Variants in BEND6 observed in about 807,000 individuals in gnomAD.
BEND6 encodes BEN domain-containing protein 6.
A neutral mutation model predicts 31.8 loss-of-function variants in BEND6; 24 were observed. The observed-to-expected ratio is 0.75, with a 90% CI of 0.55 to 1.06. The LOEUF (loss-of-function observed/expected upper bound fraction) is 1.06. BEND6 is among the 50% of genes least tolerant of loss of function. BEND6 has a pLI of 0.00. For missense variants in BEND6, 294 were observed against 327.4 expected (o/e 0.90, Z 0.79); for synonymous variants, 109 against 114.6 (o/e 0.95, Z 0.31).
At chr6:56,968,997 C>T (rs1299846977) in intron 1 of BEND6, among the ~76,000 whole-genome samples, 1 of 151,908 alleles carries the variant, frequency 6.6e-6, no homozygotes, top group African/African-American at 2.4e-5. Flanking sequence ...ATCACTTGAA[C>T]CCAGGAGGCG....
At chr6:56,994,233 G>A (rs1826615727) in intron 3 of BEND6, among the ~76,000 whole-genome samples, 1 of 151,864 alleles carries the variant, frequency 6.6e-6, no homozygotes, top group Admixed American at 6.6e-5. Flanking sequence ...GCCGAGGTGG[G>A]TGGATCAAGA....
At chr6:56,997,536 A>T (rs1826766957) in intron 3 of BEND6, among the ~76,000 whole-genome samples, 1 of 152,108 alleles carries the variant, frequency 6.6e-6, no homozygotes, top group Non-Finnish European at 1.5e-5. Context: ...TGCAGTGTTC[A>T]TTTCTGCATT....
chr6:56,966,095 T>G (rs1010061699), intron 1 of BEND6, among the ~76,000 whole-genome samples: 27 of 151,952 alleles, frequency 1.8e-4, no homozygotes, highest in Non-Finnish European at 3.1e-4. Flanking sequence ...GGTTTGTTTT[T>G]TGTTTGTTTG....
intron 3 of BEND6, chr6:57,008,980 T>C (rs1372779370): frequency 6.6e-6 from 1 of 152,208 alleles, no homozygotes; most frequent in African/African-American, 2.4e-5. Context: ...CCTGTCATTT[T>C]TGGCAACAGG....
chr6:56,982,176 C>A (rs1218588414), intron 2 of BEND6, among the ~76,000 whole-genome samples: 1 of 152,146 alleles, frequency 6.6e-6, no homozygotes, highest in Non-Finnish European at 1.5e-5. Flanking sequence ...CCACGTCAGC[C>A]TCTCAAAGTG....
chr6:57,006,608 G>A (rs1013405069), intron 3 of BEND6, among the ~76,000 whole-genome samples: 1 of 152,128 alleles, frequency 6.6e-6, no homozygotes, highest in East Asian at 1.9e-4. Context: ...ATTTTGAATG[G>A]GAAGTACTGG....
chr6:57,020,577 C>G (rs893361528), intron 6 of BEND6, among the ~76,000 whole-genome samples: 1 of 152,090 alleles, frequency 6.6e-6, no homozygotes, highest in Admixed American at 6.5e-5. Flanking sequence ...CGCGCCACCA[C>G]ACACAGCTAA....
chr6:56,980,450 A>G (rs1403531074), intron 1 of BEND6, among the ~76,000 whole-genome samples: 1 of 152,200 alleles, frequency 6.6e-6, no homozygotes, highest in East Asian at 1.9e-4. Flanking sequence ...GGGACTCCCA[A>G]AGTGCTAGGG....
chr6:56,992,668 CAAAAAATCACAGTTTTAG>C, intron 3 of BEND6, 113 bp downstream of exon 3: 1 of 1,119,128 alleles, frequency 8.9e-7, no homozygotes. Context: ...TCTGGGAGCT[CAAAAAATCACAGTTTTAG>C]AAAAAATCAC....
chr6:57,023,863 TC>T (rs1300691889), intron 6 of BEND6, among the ~76,000 whole-genome samples: 1 of 152,200 alleles, frequency 6.6e-6, no homozygotes, highest in Non-Finnish European at 1.5e-5. Flanking sequence ...ATTTTCTAAC[TC>T]CTCTCTTCCT....
chr6:57,024,362 A>G (rs1259691555), intron 6 of BEND6, among the ~76,000 whole-genome samples: 1 of 152,230 alleles, frequency 6.6e-6, no homozygotes, highest in East Asian at 1.9e-4. Flanking sequence ...CTTTCAGACT[A>G]AAGAGCTCTC....
At chr6:56,971,377 G>A (rs887829388) in intron 1 of BEND6, among the ~76,000 whole-genome samples, 4 of 152,066 alleles carry the variant, frequency 2.6e-5, no homozygotes, top group African/African-American at 7.3e-5. Flanking sequence ...TTCATCTTTC[G>A]ATGGACATGG....
chr6:56,976,197 CTT>C (rs530764397), intron 1 of BEND6: 1,362 of 151,386 alleles, frequency 9.0e-3, no homozygotes, highest in South Asian at 0.025. Flanking sequence ...AGTGTTAGTG[CTT>C]TTTTTTTTTT....
At position 56,962,555 on chromosome 6, in the gene BEND6, C is replaced by A. The variant is rs528178181; in HGVS notation, c.-101+7095C>A. 7.2e-5 allele frequency among the ~76,000 whole-genome samples: 11 copies of A among 152,310 alleles called. No homozygotes were observed. In the East Asian group the frequency reaches 2.1e-3, roughly 29 times the overall value. On this transcript the variant is annotated intron_variant, in intron 1 of 6. Coordinates refer to ENST00000370746, the MANE Select transcript of BEND6 (RefSeq NM_152731.3). ...TTCATGCATTCCACACAGAAACAGA[C>A]CTTGGATCAATATGATTTCCTGGGT...
chr6:57,002,098 A>G (rs954219887), intron 3 of BEND6, among the ~76,000 whole-genome samples: 5 of 152,244 alleles, frequency 3.3e-5, no homozygotes, highest in African/African-American at 1.2e-4. Flanking sequence ...CCAACAATAG[A>G]AAAAGAAAGG....
At chr6:56,992,002 G>A (rs539551263) in intron 2 of BEND6, among the ~76,000 whole-genome samples, 6 of 152,288 alleles carry the variant, frequency 3.9e-5, no homozygotes, top group South Asian at 2.1e-4. Flanking sequence ...ATTCACAGGC[G>A]AAAGAAATAA....
intron 1 of BEND6, among the ~76,000 whole-genome samples, chr6:56,968,777 T>A (rs1825581327): frequency 6.6e-6 from 1 of 152,078 alleles, no homozygotes; most frequent in Non-Finnish European, 1.5e-5. Context: ...TTTATGTCAT[T>A]TGAAAATGAA....
At chr6:56,975,537 G>A in intron 1 of BEND6, 1 of 245,352 alleles carries the variant, frequency 4.1e-6, no homozygotes, top group Non-Finnish European at 8.3e-6. Context: ...TAGAGGATTG[G>A]TACAGCCTTT....
chr6:57,020,642 G>A (rs547359454), intron 6 of BEND6, among the ~76,000 whole-genome samples: 97 of 151,950 alleles, frequency 6.4e-4, no homozygotes, highest in African/African-American at 2.1e-3. Context: ...GGCTGGTCTC[G>A]AACTCCTGAC....
Sources: gnomAD v4.1 joint callset for allele counts (sites outside exome capture counted in the v4.1 genomes callset) on GRCh38, gnomAD v4.1.1 for gene constraint, MANE v1.5 for transcripts, NCBI Gene and HGNC (gene_info 2026-07-23, HGNC 2026-07-21) for gene names.